Variants in CBY1 observed in about 807,000 individuals in gnomAD.
The protein encoded by CBY1 is protein chibby homolog 1.
Under a neutral mutation model 15.6 loss-of-function variants are expected in CBY1, and 10 were observed. That is an observed-to-expected ratio of 0.64 (90% CI 0.40 to 1.09). The LOEUF (loss-of-function observed/expected upper bound fraction) is 1.09. Among genes scored for constraint, CBY1 ranks in the 50% least tolerant of loss-of-function variants. The pLI, the probability that CBY1 is intolerant of heterozygous loss-of-function variation, is 0.01. For missense variants in CBY1, 150 were observed against 160.5 expected, an observed-to-expected ratio of 0.93 and a Z score of 0.35; for synonymous variants, 61 against 63.5, an observed-to-expected ratio of 0.96 and a Z score of 0.19.
chr22:38,666,579 TAACAG>T (rs1208687471), intron 1 of CBY1: 4 of 152,150 alleles, frequency 2.6e-5, no homozygotes, highest in African/African-American at 9.7e-5. Flanking sequence ...TCACCTTCCA[TAACAG>T]AACAGGTAAC....
chr22:38,659,366 A>G (rs1171147349), intron 1 of CBY1, among the ~76,000 whole-genome samples: 1 of 151,844 alleles, frequency 6.6e-6, no homozygotes, highest in Non-Finnish European at 1.5e-5. Context: ...TTCAAGCCTC[A>G]GCCTTCTGAG....
intron 1 of CBY1, among the ~76,000 whole-genome samples, chr22:38,665,384 A>T (rs1227420052): frequency 6.6e-6 from 1 of 152,104 alleles, no homozygotes; most frequent in Non-Finnish European, 1.5e-5. Flanking sequence ...GGATCACCTG[A>T]GCCTGGGAGG....
chr22:38,668,279 T>G (rs1413070317), intron 2 of CBY1, 147 bp downstream of exon 2: 1 of 568,354 alleles, frequency 1.8e-6, no homozygotes, highest in Non-Finnish European at 3.2e-6. Flanking sequence ...AAAACATTTT[T>G]GAACTCTTGT....
intron 1 of CBY1, among the ~76,000 whole-genome samples, chr22:38,660,731 A>T (rs1248735560): frequency 1.3e-5 from 2 of 151,686 alleles, no homozygotes; most frequent in East Asian, 3.9e-4. Context: ...TAGCATTTTC[A>T]TCTTTATTTA....
chr22:38,666,570 C>T (rs904451372), intron 1 of CBY1: 2 of 152,204 alleles, frequency 1.3e-5, no homozygotes, highest in African/African-American at 4.8e-5. Context: ...CACCTCACGT[C>T]ACCTTCCATA....
At position 38,673,370 on chromosome 22, in the gene CBY1, A is replaced by G; in HGVS notation, c.*134A>G. 6.6e-6 allele frequency: 4 copies of G among 604,948 alleles called. No individual in the cohort carries two copies. The highest frequency in any genetic ancestry group is 2.7e-5 in the Admixed American group (1 of 37,000). The allele number at this position is 604,948 out of a possible 1,614,324, so 37.5% of individuals were successfully genotyped here. On this transcript the variant is annotated 3_prime_UTR_variant, in exon 5 of 5. Transcript: ENST00000216029. Reference sequence around the variant, plus strand: ...GCACTGGCACCCTTGGGTTGGCAATAGAAGGTGACATGGAATGGAGAAAAC... The same window carrying G: ...GCACTGGCACCCTTGGGTTGGCAATGGAAGGTGACATGGAATGGAGAAAAC...
chr22:38,663,577 T>C (rs1446487307), intron 1 of CBY1, among the ~76,000 whole-genome samples: 3 of 150,636 alleles, frequency 2.0e-5, no homozygotes, highest in Non-Finnish European at 4.4e-5. Context: ...ATGCCTGTAA[T>C]CTCAGCTACT....
intron 4 of CBY1, among the ~76,000 whole-genome samples, chr22:38,672,696 C>T (rs2092456659): frequency 6.6e-6 from 1 of 152,040 alleles, no homozygotes. Context: ...CCCAGCCTGG[C>T]CGACAGAGCG....
In CBY1 at chr22:38,673,578, G is replaced by T. The variant is rs989821477; in HGVS notation, c.*342G>T. ...TCTGTTGGGTTGTGTTGGGAGAAGC[G>T]GCTGGAGTTCATTCTCTCACCCCCT... is the stretch of plus-strand genomic sequence containing the variant. On this transcript the variant is annotated 3_prime_UTR_variant, in exon 5 of 5. Coordinates refer to ENST00000216029, the MANE Select transcript of CBY1 (RefSeq NM_015373.4). 3 of 238,438 alleles carry T rather than the reference G, an allele frequency of 1.3e-5. No individual in the cohort carries two copies. The highest frequency in any genetic ancestry group is 2.2e-5 in the African/African-American group (1 of 45,382). The allele number at this position is 238,438 out of a possible 1,614,324, so 14.8% of individuals were successfully genotyped here.
At chr22:38,661,472 T>C (rs1282396876) in intron 1 of CBY1, among the ~76,000 whole-genome samples, 2 of 152,092 alleles carry the variant, frequency 1.3e-5, no homozygotes, top group African/African-American at 2.4e-5. Flanking sequence ...CACTGTATGA[T>C]TGTTTTTAAT....
At chr22:38,671,461 G>C in intron 4 of CBY1, 1 of 406,314 alleles carries the variant, frequency 2.5e-6, no homozygotes. Flanking sequence ...GTCAAGTCGG[G>C]AGAGCTTCCC....
chr22:38,657,207 G>A, intron 1 of CBY1: 2 of 622,218 alleles, frequency 3.2e-6, no homozygotes, highest in Non-Finnish European at 4.0e-6. Context: ...TTAGTGATTA[G>A]TATCAGTATC....
At chr22:38,672,187 G>A (rs1274182245) in intron 4 of CBY1, among the ~76,000 whole-genome samples, 6 of 151,552 alleles carry the variant, frequency 4.0e-5, no homozygotes, top group Non-Finnish European at 8.8e-5. Context: ...GCTTGAACCC[G>A]GGAGGTGGAG....
chr22:38,672,234 C>T (rs1158583672), intron 4 of CBY1, among the ~76,000 whole-genome samples: 2 of 150,394 alleles, frequency 1.3e-5, no homozygotes, highest in Non-Finnish European at 3.0e-5. Flanking sequence ...TGTACTCTAG[C>T]CTGGGCAACA....
Position 38,673,476 on chromosome 22 carries a change from C to G in CBY1, c.*240C>G. ...GTGCCAGTCTGAAAACCAGACCGCA[C>G]AGAGGCCTGGGGCTGCTGATGAGCT... On this transcript the variant is annotated 3_prime_UTR_variant, in exon 5 of 5. Coordinates refer to ENST00000216029, the MANE Select transcript of CBY1 (RefSeq NM_015373.4). 2.3e-6 allele frequency: 1 copy of G among 429,078 alleles called. No individual in the cohort carries two copies. Among genetic ancestry groups the G allele is most frequent in the Non-Finnish European group, 4.4e-6 (1 of 228,108 alleles). The allele number at this position is 429,078 out of a possible 1,614,324, so 26.6% of individuals were successfully genotyped here. A position where few individuals can be genotyped will look rare whatever the true frequency, so the allele number is the denominator to read the frequency against.
chr22:38,658,474 T>A (rs141935066), intron 1 of CBY1, among the ~76,000 whole-genome samples: 39 of 145,380 alleles, frequency 2.7e-4, no homozygotes, highest in African/African-American at 5.4e-4. Context: ...ATTTTATTTT[T>A]TTTTGAGATG....
intron 1 of CBY1, among the ~76,000 whole-genome samples, chr22:38,667,283 C>G (rs1209793222): frequency 2.0e-5 from 3 of 152,108 alleles, no homozygotes; most frequent in Admixed American, 2.0e-4. Context: ...GTCACTGAGA[C>G]TGTAGTTGTG....
chr22:38,664,172 T>TA (rs1364680497), intron 1 of CBY1, among the ~76,000 whole-genome samples: 1 of 151,338 alleles, frequency 6.6e-6, no homozygotes, highest in African/African-American at 2.4e-5. Flanking sequence ...AGCTCAATTT[T>TA]AAAAAATGGC....
rs572956351 is a variant in CBY1 at position 38,673,620 on chromosome 22, G to A, written c.*384G>A. 30 of 211,532 alleles carry A rather than the reference G, an allele frequency of 1.4e-4. No individual in the cohort carries two copies. Among genetic ancestry groups the A allele is most frequent in the East Asian group, 4.1e-4 (4 of 9,790 alleles). The allele number at this position is 211,532 out of a possible 1,614,324, so 13.1% of individuals were successfully genotyped here. A position where few individuals can be genotyped will look rare whatever the true frequency, so the allele number is the denominator to read the frequency against. On this transcript the variant is annotated 3_prime_UTR_variant, in exon 5 of 5. Transcript: ENST00000216029. Reference sequence around the variant, plus strand: ...TCACCCCCTTATGTTGGTGTTTGGCGTGTGACAGCAGTTCTACAGAGCTCT... The same window carrying A: ...TCACCCCCTTATGTTGGTGTTTGGCATGTGACAGCAGTTCTACAGAGCTCT...
Sources: gnomAD v4.1 joint callset for allele counts (sites outside exome capture counted in the v4.1 genomes callset) on GRCh38, gnomAD v4.1.1 for gene constraint, MANE v1.5 for transcripts, NCBI Gene and HGNC (gene_info 2026-07-23, HGNC 2026-07-21) for gene names.